JMY: variants seen among roughly 807,000 people sequenced by gnomAD.
The protein encoded by JMY is junction mediating and regulatory protein, p53 cofactor, also known as junction-mediating and -regulatory protein.
In JMY, 46 loss-of-function variants were observed where a neutral mutation model predicts 103.3. The observed-to-expected ratio is 0.45, with a 90% confidence interval of 0.35 to 0.57. The LOEUF (loss-of-function observed/expected upper bound fraction) is 0.57, where lower values mean the gene tolerates loss of function less well. Ranked by LOEUF, JMY falls within the 20% of genes least tolerant of loss-of-function variation. JMY has a pLI of 0.00. For missense variants in JMY, 1,238 were observed against 1,255.2 expected, an observed-to-expected ratio of 0.99 and a Z score of 0.21; for synonymous variants, 526 against 489.3, an observed-to-expected ratio of 1.07 and a Z score of -0.99.
rs1441315292 is a variant in JMY, at chr5:79,314,689, G to A, written c.2497G>A (p.Gly833Ser). Residue 833 changes from glycine (G) to serine (S), a missense_variant, in exon 9 of 11, where the codon GGC becomes AGC. Physicochemically the swap from Gly to Ser is moderately conservative, Grantham distance 56. Coordinates refer to ENST00000396137, the MANE Select transcript of JMY (RefSeq NM_152405.5). ...ACCTCTGCCTGTTGCTAAGGACAGTGGCCCAGAGACACTGGAGAAAGATCT... is the reference window on the plus strand; with the variant it reads ...ACCTCTGCCTGTTGCTAAGGACAGTAGCCCAGAGACACTGGAGAAAGATCT... ...PPPLPVAKDS[G>S]PETLEKDLPR... The A allele has an allele frequency of 5.0e-6, 8 of 1,595,138 alleles. No homozygotes were observed. In the Admixed American group the frequency reaches 1.4e-4, roughly 28 times the overall value.
chr5:79,259,002 T>C (rs1350534954), intron 1 of JMY, among the ~76,000 whole-genome samples: 3 of 152,174 alleles, frequency 2.0e-5, no homozygotes, highest in Non-Finnish European at 2.9e-5. Flanking sequence ...AGGAGCTTTA[T>C]TGAGCAATAG....
intron 4 of JMY, among the ~76,000 whole-genome samples, chr5:79,292,806 G>C (rs980588116): frequency 2.2e-5 from 1 of 45,294 alleles, no homozygotes; most frequent in African/African-American, 4.4e-4. Context: ...TTGGGGAGTG[G>C]GGGGGGTCCT....
rs956433691 is a variant in JMY at position 79,324,026 on chromosome 5, AG to A, written c.*2426del. 2.6e-5 allele frequency: 4 copies of A among 152,210 alleles called. No homozygotes were observed. Among genetic ancestry groups the A allele is most frequent in the Admixed American group, 6.5e-5 (1 of 15,280 alleles). The allele number at this position is 152,210 out of a possible 1,614,324, so 9.4% of individuals were successfully genotyped here. On this transcript the variant is annotated 3_prime_UTR_variant, in exon 11 of 11. Coordinates refer to ENST00000396137, the MANE Select transcript of JMY (RefSeq NM_152405.5). ...CCAACACACCCATTTCCTTGCCTTAAGGTGCAGGTTCCTACTTCTACAAAAT... is the reference window on the plus strand; with the variant it reads ...CCAACACACCCATTTCCTTGCCTTAAGTGCAGGTTCCTACTTCTACAAAAT...
chr5:79,311,025 T>C (rs1460778389), intron 7 of JMY, among the ~76,000 whole-genome samples: 1 of 152,196 alleles, frequency 6.6e-6, no homozygotes, highest in Admixed American at 6.5e-5. Context: ...TGCTAACTTA[T>C]TTCAGGCTCT....
intron 1 of JMY, among the ~76,000 whole-genome samples, chr5:79,239,185 A>G (rs1183629310): frequency 2.0e-5 from 3 of 152,134 alleles, no homozygotes. Context: ...CCAGATTTTC[A>G]CTGCTTCCTG....
At chr5:79,247,475 A>G (rs771147171) in intron 1 of JMY, among the ~76,000 whole-genome samples, 3 of 151,368 alleles carry the variant, frequency 2.0e-5, no homozygotes, top group Non-Finnish European at 2.9e-5. Flanking sequence ...CACCTGGCTA[A>G]TTTTTTGTAT....
intron 6 of JMY, among the ~76,000 whole-genome samples, chr5:79,302,041 C>G (rs1024626041): frequency 2.0e-5 from 3 of 146,422 alleles, no homozygotes; most frequent in Non-Finnish European, 3.0e-5. Flanking sequence ...CAAGATGGCA[C>G]CATTGCACTC....
In JMY at chr5:79,290,207, G is replaced by T. The variant is rs767652704; in HGVS notation, c.1293G>T (p.Met431Ile). 6.3e-7 allele frequency: 1 copy of T among 1,590,238 alleles called. No individual in the cohort carries two copies. The highest frequency in any genetic ancestry group is 1.2e-5 in the South Asian group (1 of 86,946). The change falls in exon 3 of 11, where the codon ATG becomes ATT. Residue 431 changes from methionine to isoleucine, a missense_variant. Physicochemically the swap from Met to Ile is conservative, Grantham distance 10. Transcript: ENST00000396137. ...CTGATTGGCAGCGGAAAGCTCACAT[G>T]GCTGTACTGTCTATTCAAGATCTTA... The part of the protein sequence containing the change: ...EDADWQRKAH[M>I]AVLSIQDLTV...
intron 7 of JMY, among the ~76,000 whole-genome samples, 155 bp downstream of exon 7, chr5:79,306,616 G>A (rs1362525726): frequency 2.0e-5 from 3 of 152,094 alleles, no homozygotes; most frequent in African/African-American, 7.2e-5. Context: ...ATTGATTGGA[G>A]AATACAGAGT....
chr5:79,314,897 C>T (rs779753224), intron 9 of JMY, 46 bp downstream of exon 9: 1 of 1,476,924 alleles, frequency 6.8e-7, no homozygotes, highest in Non-Finnish European at 9.1e-7. Flanking sequence ...TGACATCAGG[C>T]ATAGTAAAAA....
chr5:79,269,949 T>G (rs1745695133), intron 1 of JMY, among the ~76,000 whole-genome samples: 1 of 152,038 alleles, frequency 6.6e-6, no homozygotes, highest in African/African-American at 2.4e-5. Flanking sequence ...CAGGTGGGTC[T>G]TGAACTCCTG....
At chr5:79,303,836 A>C (rs1048477757) in intron 6 of JMY, among the ~76,000 whole-genome samples, 3 of 152,060 alleles carry the variant, frequency 2.0e-5, no homozygotes, top group African/African-American at 7.2e-5. Context: ...TTTCGAGAAA[A>C]GTTGTGGGCA....
intron 1 of JMY, among the ~76,000 whole-genome samples, chr5:79,260,123 C>G (rs192495961): frequency 6.6e-6 from 1 of 152,350 alleles, no homozygotes; most frequent in Admixed American, 6.5e-5. Flanking sequence ...CAGCGCCACA[C>G]AAATGAACCT....
intron 1 of JMY, among the ~76,000 whole-genome samples, chr5:79,252,504 C>A (rs931195375): frequency 6.6e-6 from 1 of 151,982 alleles, no homozygotes; most frequent in African/African-American, 2.4e-5. Flanking sequence ...CAAATTAAGT[C>A]CAGTGTTTCT....
At chr5:79,255,165 C>T (rs752003814) in intron 1 of JMY, among the ~76,000 whole-genome samples, 14 of 136,842 alleles carry the variant, frequency 1.0e-4, no homozygotes, top group Non-Finnish European at 1.5e-4. Context: ...GGTGCCATCT[C>T]GACTCACTGC....
At chr5:79,255,074 C>T (rs1745198562) in intron 1 of JMY, among the ~76,000 whole-genome samples, 1 of 151,190 alleles carries the variant, frequency 6.6e-6, no homozygotes. Flanking sequence ...TTTAGTTTCC[C>T]CCCAAAAAAG....
chr5:79,237,322 C>A lies in JMY; in HGVS notation c.672C>A (p.Ala224=). The A allele has an allele frequency of 6.3e-7, 1 of 1,581,738 alleles. No homozygotes were observed. The highest frequency in any genetic ancestry group is 1.3e-5 in the African/African-American group (1 of 74,090). Residue 224 remains alanine, a synonymous_variant, in exon 1 of 11, where the codon GCC becomes GCA. Transcript: ENST00000396137. ...CCGCCACCGAGCTGGAGTCTCCGGC[C>A]GAAGAGTGCAGCTGGGCCGGACTGT... ...PPPATELESP[A]EECSWAGLFS...
intron 1 of JMY, among the ~76,000 whole-genome samples, chr5:79,256,342 A>G (rs1042995987): frequency 3.3e-5 from 5 of 152,074 alleles, no homozygotes; most frequent in East Asian, 1.9e-4. Flanking sequence ...AGCTTCTCCT[A>G]TAGTCCAGGG....
At chr5:79,265,026 A>G (rs1745542828) in intron 1 of JMY, among the ~76,000 whole-genome samples, 1 of 152,080 alleles carries the variant, frequency 6.6e-6, no homozygotes, top group South Asian at 2.1e-4. Context: ...GGTTCATGCC[A>G]TTCATTCTCC....
Sources: gnomAD v4.1 joint callset for allele counts (sites outside exome capture counted in the v4.1 genomes callset) on GRCh38, gnomAD v4.1.1 for gene constraint, MANE v1.5 for transcripts, NCBI Gene and HGNC (gene_info 2026-07-23, HGNC 2026-07-21) for gene names.